Variants in FAM222A observed in about 807,000 individuals in gnomAD.
FAM222A encodes protein FAM222A.
In FAM222A, 7 loss-of-function variants were observed where a neutral mutation model predicts 25.8. That is an observed-to-expected ratio of 0.27 (90% CI 0.15 to 0.51). The LOEUF is 0.51. Among genes scored for constraint, FAM222A ranks in the 20% least tolerant of loss-of-function variants. The pLI is 0.97. For missense variants in FAM222A, 573 were observed against 640.5 expected, an observed-to-expected ratio of 0.89 and a Z score of 1.14; for synonymous variants, 294 against 298.8, an observed-to-expected ratio of 0.98 and a Z score of 0.17.
At chr12:109,727,556 C>A (rs1887866083) in intron 1 of FAM222A, among the ~76,000 whole-genome samples, 1 of 152,164 alleles carries the variant, frequency 6.6e-6, no homozygotes, top group Admixed American at 6.5e-5. Context: ...CAGCCCTGAG[C>A]CCAACACTCC....
intron 1 of FAM222A, chr12:109,734,513 C>T (rs1888032387): frequency 1.3e-5 from 2 of 151,984 alleles, no homozygotes; most frequent in African/African-American, 4.8e-5. Context: ...GCAGCTGTTC[C>T]CTGTCATGTC....
At chr12:109,722,961 C>G (rs1014373595) in intron 1 of FAM222A, 1 of 117,068 alleles carries the variant, frequency 8.5e-6, no homozygotes, top group African/African-American at 3.4e-5. Context: ...AGATAACAAG[C>G]TATTTTTATG....
rs1043965164 is a variant in FAM222A at position 109,748,600 on chromosome 12, G to A, written c.82+4372G>A. ...TGTTCTACTCTTTTTGAATGACTTC[G>A]GTAAATTATGTTTCTCTAGAAAAGT... is the stretch of plus-strand genomic sequence containing the variant. On this transcript the variant is annotated intron_variant, in intron 2 of 2. Coordinates refer to ENST00000538780, the MANE Select transcript of FAM222A (RefSeq NM_032829.3). 2.4e-4 allele frequency among the ~76,000 whole-genome samples: 36 copies of A among 151,692 alleles called. 1 individual carries two copies. Among genetic ancestry groups the A allele is most frequent in the Admixed American group, 1.3e-4 (2 of 15,248 alleles).
rs59140628 is a variant in FAM222A at position 109,764,222 on chromosome 12, C to CA, written c.83-3775dup. On this transcript the variant is annotated intron_variant, in intron 2 of 2. Coordinates refer to ENST00000538780, the MANE Select transcript of FAM222A (RefSeq NM_032829.3). ...TCTACCCTGAGTAAGACCCTGTCTT[C>CA]AAAAAAAAAAAAAAAGCCATGGCCC... Among the ~76,000 whole-genome samples, 232 of 91,728 alleles carry CA rather than the reference C, an allele frequency of 2.5e-3. 8 individuals are homozygous for CA. The highest frequency in any genetic ancestry group is 7.2e-3 in the African/African-American group (159 of 22,118). The allele number at this position is 91,728 out of a possible 152,430, so 60.2% of individuals were successfully genotyped here.
chr12:109,760,410 G>T (rs534558411), intron 2 of FAM222A, among the ~76,000 whole-genome samples: 1 of 152,294 alleles, frequency 6.6e-6, no homozygotes, highest in East Asian at 1.9e-4. Flanking sequence ...CAGTACCAAC[G>T]CTGCCCAGTG....
intron 1 of FAM222A, chr12:109,743,841 G>C: frequency 1.0e-6 from 1 of 985,390 alleles, no homozygotes; most frequent in Non-Finnish European, 1.2e-6. Context: ...CCCAGATGCC[G>C]AGCAGGGCCG....
At chr12:109,721,495 G>A (rs531891681) in intron 1 of FAM222A, among the ~76,000 whole-genome samples, 1 of 152,318 alleles carries the variant, frequency 6.6e-6, no homozygotes, top group South Asian at 2.1e-4. Flanking sequence ...TCCCTGCTGA[G>A]TTCTTCCCCT....
chr12:109,768,761 T>G lies in FAM222A; in HGVS notation c.832T>G (p.Tyr278Asp), dbSNP rs1592804790. The G allele has an allele frequency of 6.3e-7, 1 of 1,582,198 alleles. No individual in the cohort carries two copies. The highest frequency in any genetic ancestry group is 2.3e-5 in the East Asian group (1 of 43,892). The change falls in exon 3 of 3, where the codon TAC (tyrosine) becomes GAC (aspartate). Residue 278 changes from tyrosine (Y) to aspartate (D), a missense_variant. Physicochemically the swap from Tyr to Asp is radical, Grantham distance 160. Coordinates refer to ENST00000538780, the MANE Select transcript of FAM222A (RefSeq NM_032829.3). ...GGCTGGGGCCGCCAAGCCTGCAGGG[T>G]ACGCAGACAGCGGCCTGGATTACCT... ...TLAGAAKPAG[Y>D]ADSGLDYLLW...
intron 2 of FAM222A, among the ~76,000 whole-genome samples, chr12:109,765,716 T>G (rs113071072): frequency 6.6e-6 from 1 of 152,228 alleles, no homozygotes; most frequent in Non-Finnish European, 1.5e-5. Flanking sequence ...TTTAGAAGGT[T>G]GGGACATGGC....
At position 109,753,560 on chromosome 12, in the gene FAM222A, G is replaced by C. The variant is rs868267148; in HGVS notation, c.82+9332G>C. Among the ~76,000 whole-genome samples the C allele has an allele frequency of 3.8e-5, 4 of 105,084 alleles. No homozygotes were observed. The East Asian group carries it at 1.6e-3, about 43-fold the overall frequency. The allele number at this position is 105,084 out of a possible 152,430, so 68.9% of individuals were successfully genotyped here. On this transcript the variant is annotated intron_variant, in intron 2 of 2. Transcript: ENST00000538780. ...GATACCTCACCTGCCCCCCCATCCC[G>C]GGGGGGGGAGCCTCTCCCACAATAT...
At chr12:109,722,207 A>G (rs1887758839) in intron 1 of FAM222A, among the ~76,000 whole-genome samples, 1 of 152,204 alleles carries the variant, frequency 6.6e-6, no homozygotes, top group Non-Finnish European at 1.5e-5. Flanking sequence ...CTAAGGGAGC[A>G]GTGTGTAACC....
intron 1 of FAM222A, among the ~76,000 whole-genome samples, chr12:109,733,070 G>A (rs61943763): frequency 6.6e-6 from 1 of 152,202 alleles, no homozygotes; most frequent in Admixed American, 6.5e-5. Context: ...AGGAGGTGAT[G>A]TTTGAGCTGA....
intron 1 of FAM222A, among the ~76,000 whole-genome samples, chr12:109,719,578 G>A (rs1887710856): frequency 6.6e-6 from 1 of 152,190 alleles, no homozygotes; most frequent in Non-Finnish European, 1.5e-5. Context: ...CTGGAGGAGG[G>A]AAAACCTGCA....
At position 109,769,352 on chromosome 12, in the gene FAM222A, CAG is replaced by C; in HGVS notation, c.*65_*66del. 6.7e-7 allele frequency: 1 copy of C among 1,493,388 alleles called. No homozygotes were observed. Among genetic ancestry groups the C allele is most frequent in the East Asian group, 2.5e-5 (1 of 40,414 alleles). 92.5% of individuals were successfully genotyped at this position (1,493,388 alleles called of 1,614,324 possible). A position where few individuals can be genotyped will look rare whatever the true frequency, so the allele number is the denominator to read the frequency against. ...CAGAGCCGGGAGGCAGGCCGCAGAA[CAG>C]GGTGGGCGGCTCGCAGGGGCGCTCA... On this transcript the variant is annotated 3_prime_UTR_variant, in exon 3 of 3. Coordinates refer to ENST00000538780, the MANE Select transcript of FAM222A (RefSeq NM_032829.3).
chr12:109,743,474 G>A (rs868502034), intron 1 of FAM222A, among the ~76,000 whole-genome samples: 34 of 152,142 alleles, frequency 2.2e-4, no homozygotes, highest in African/African-American at 7.2e-4. Context: ...CAGGGATCTC[G>A]GGTCAGGGCA....
At chr12:109,752,731 G>A (rs74975241) in intron 2 of FAM222A, among the ~76,000 whole-genome samples, 1,943 of 152,312 alleles carry the variant, frequency 0.013, 45 homozygotes, top group African/African-American at 0.044. Context: ...TTAGGGGGAC[G>A]AGGTGGTCCA....
At chr12:109,737,067 A>AT (rs1888106056) in intron 1 of FAM222A, among the ~76,000 whole-genome samples, 1 of 152,138 alleles carries the variant, frequency 6.6e-6, no homozygotes, top group African/African-American at 2.4e-5. Context: ...CGATTCATCA[A>AT]ACATTTATTA....
chr12:109,719,732 G>T (rs922829628), intron 1 of FAM222A, among the ~76,000 whole-genome samples: 1 of 152,158 alleles, frequency 6.6e-6, no homozygotes, highest in African/African-American at 2.4e-5. Flanking sequence ...AGGGCAGGGG[G>T]AGCTTATAAG....
intron 1 of FAM222A, 159 bp from the exon 2 acceptor site, chr12:109,743,942 C>T (rs1219228593): frequency 1.0e-6 from 1 of 985,296 alleles, no homozygotes; most frequent in Non-Finnish European, 1.2e-6. Flanking sequence ...CTTGATGCCT[C>T]AGGCCTTGGT....
Sources: gnomAD v4.1 joint callset for allele counts (sites outside exome capture counted in the v4.1 genomes callset) on GRCh38, gnomAD v4.1.1 for gene constraint, MANE v1.5 for transcripts, NCBI Gene and HGNC (gene_info 2026-07-23, HGNC 2026-07-21) for gene names.